Variants in CCR2 observed in about 807,000 individuals in gnomAD.
CCR2 encodes C-C chemokine receptor type 2.
For synonymous variants in CCR2, 183 were observed against 177.1 expected, an observed-to-expected ratio of 1.03 and a Z score of -0.27; for missense variants, 408 against 440.0, an observed-to-expected ratio of 0.93 and a Z score of 0.65.
chr3:46,359,650 C>A lies in CCR2; in HGVS notation c.*1040C>A. The A allele has an allele frequency of 6.3e-7, 1 of 1,596,406 alleles. No individual in the cohort carries two copies. Among genetic ancestry groups the A allele is most frequent in the South Asian group, 1.1e-5 (1 of 88,236 alleles). On this transcript the variant is annotated 3_prime_UTR_variant, in exon 2 of 2. Transcript: ENST00000445132. Reference sequence around the variant, plus strand: ...GCTTGCTTTTCCCTGCCTTGCCACTCCCCTCACTCTTCTCTTTTCCCCACA... The same window carrying A: ...GCTTGCTTTTCCCTGCCTTGCCACTACCCTCACTCTTCTCTTTTCCCCACA...
Position 46,358,002 on chromosome 3 carries a change from G to A in CCR2, c.475G>A (p.Val159Met), listed in dbSNP as rs532078003. 16 of 1,614,098 alleles carry A rather than the reference G, an allele frequency of 9.9e-6. No individual in the cohort carries two copies. Among genetic ancestry groups the A allele is most frequent in the East Asian group, 2.2e-5 (1 of 44,902 alleles). The change falls in exon 2 of 2, where the codon GTG becomes ATG. Residue 159 changes from valine (V) to methionine (M), a missense_variant. Coordinates refer to ENST00000445132, the MANE Select transcript of CCR2 (RefSeq NM_001123396.4). ...AGCCAGGACGGTCACCTTTGGGGTG[G>A]TGACAAGTGTGATCACCTGGTTGGT... The part of the protein sequence containing the change: ...LKARTVTFGV[V>M]TSVITWLVAV...
Position 46,359,515 on chromosome 3 carries a change from G to A in CCR2, c.*905G>A, listed in dbSNP as rs1575274273. ...ACCAGGAGCAAAGGACGGGGATCGTGTGGAACCACTGCAGAACTATTTCCG... is the reference window on the plus strand; with the variant it reads ...ACCAGGAGCAAAGGACGGGGATCGTATGGAACCACTGCAGAACTATTTCCG... On this transcript the variant is annotated 3_prime_UTR_variant, in exon 2 of 2. Transcript: ENST00000445132. 7.1e-6 allele frequency: 7 copies of A among 983,870 alleles called. No individual in the cohort carries two copies. The East Asian group carries it at 1.1e-4, about 15-fold the overall frequency. The allele number at this position is 983,870 out of a possible 1,614,324, so 60.9% of individuals were successfully genotyped here. A position where few individuals can be genotyped will look rare whatever the true frequency, so the allele number is the denominator to read the frequency against.
In CCR2 at chr3:46,359,205, C is replaced by T. The variant is rs1199058644; in HGVS notation, c.*595C>T. On this transcript the variant is annotated 3_prime_UTR_variant, in exon 2 of 2. Coordinates refer to ENST00000445132, the MANE Select transcript of CCR2 (RefSeq NM_001123396.4). ...ATAACCTGGGAGTTTTGGTGGAGTC[C>T]GATGATTCTCTTTTGCATAAGTGCA... is the stretch of plus-strand genomic sequence containing the variant. 7 of 1,004,048 alleles carry T rather than the reference C, an allele frequency of 7.0e-6. No homozygotes were observed. The highest frequency in any genetic ancestry group is 5.2e-4 in the Middle Eastern group (1 of 1,920). 62.2% of individuals were successfully genotyped at this position (1,004,048 alleles called of 1,614,324 possible).
intron 1 of CCR2, among the ~76,000 whole-genome samples, chr3:46,354,634 A>G (rs1328114093): frequency 6.6e-6 from 1 of 152,232 alleles, no homozygotes; most frequent in Admixed American, 6.5e-5. Context: ...TCTGGGTGAC[A>G]TGTTCTGACA....
intron 1 of CCR2, among the ~76,000 whole-genome samples, chr3:46,356,899 C>G (rs898716571): frequency 7.0e-6 from 1 of 143,160 alleles, no homozygotes; most frequent in Non-Finnish European, 1.5e-5. Flanking sequence ...AGCCTGGAGA[C>G]ACAGCGAGAC....
chr3:46,356,032 G>A (rs962763673), intron 1 of CCR2, among the ~76,000 whole-genome samples: 1 of 152,200 alleles, frequency 6.6e-6, no homozygotes, highest in South Asian at 2.1e-4. Context: ...CCCCATTTGG[G>A]GTGGGTTGAA....
chr3:46,354,369 C>G (rs1383785598), intron 1 of CCR2, among the ~76,000 whole-genome samples, 192 bp downstream of exon 1: 1 of 152,142 alleles, frequency 6.6e-6, no homozygotes, highest in African/African-American at 2.4e-5. Context: ...TGAGGAAGAG[C>G]AGCGTGCAGC....
intron 1 of CCR2, among the ~76,000 whole-genome samples, chr3:46,355,307 A>G (rs1366532182): frequency 6.6e-6 from 1 of 152,158 alleles, no homozygotes; most frequent in Non-Finnish European, 1.5e-5. Flanking sequence ...AAGCTCACCA[A>G]TCATTTTGGG....
intron 1 of CCR2, among the ~76,000 whole-genome samples, chr3:46,356,232 T>G (rs925058927): frequency 6.6e-6 from 1 of 152,168 alleles, no homozygotes; most frequent in Non-Finnish European, 1.5e-5. Flanking sequence ...TAGAAAACAG[T>G]AGCATAGAAG....
Position 46,360,537 on chromosome 3 carries a change from A to G in CCR2, c.*1927A>G, listed in dbSNP as rs181559228. The G allele has an allele frequency of 6.6e-6, 1 of 152,362 alleles. No homozygotes were observed. The highest frequency in any genetic ancestry group is 1.9e-4 in the East Asian group (1 of 5,192). 9.4% of individuals were successfully genotyped at this position (152,362 alleles called of 1,614,324 possible). ...GAACTCCTAAATCAAGTTGGCTTCT[A>G]ATCAAAGCTTTTAAACCCTATTGGT... On this transcript the variant is annotated 3_prime_UTR_variant, in exon 2 of 2. Coordinates refer to ENST00000445132, the MANE Select transcript of CCR2 (RefSeq NM_001123396.4).
At chr3:46,356,142 T>C (rs1701447799) in intron 1 of CCR2, among the ~76,000 whole-genome samples, 1 of 152,220 alleles carries the variant, frequency 6.6e-6, no homozygotes, top group Admixed American at 6.5e-5. Context: ...AGTGAATACA[T>C]GCATGGGGAG....
At position 46,358,597 on chromosome 3, in the gene CCR2, C is replaced by T. The variant is rs191797612; in HGVS notation, c.1070C>T (p.Ser357Leu). Residue 357 changes from serine (S) to leucine (L), a missense_variant, in exon 2 of 2, where the codon TCG (serine) becomes TTG (leucine). Ser to Leu is a moderately radical substitution (Grantham distance 145). Transcript: ENST00000445132. ...CCTTCCACTGGGGAGCAGGAAGTCT[C>T]GGCTGGTTTATAAAACGAGGAGCAG... ...NTPSTGEQEV[S>L]AGL 163 of 1,579,854 alleles carry T rather than the reference C, an allele frequency of 1.0e-4. 1 individual carries two copies. The highest frequency in any genetic ancestry group is 8.0e-4 in the Admixed American group (43 of 53,792).
At position 46,358,255 on chromosome 3, in the gene CCR2, G is replaced by C. The variant is rs1296559902; in HGVS notation, c.728G>C (p.Arg243Thr). 6.2e-7 allele frequency: 1 copy of C among 1,614,090 alleles called. No homozygotes were observed. The highest frequency in any genetic ancestry group is 8.5e-7 in the Non-Finnish European group (1 of 1,180,028). ...GAGAAGAAGAGGCATAGGGCAGTGAGAGTCATCTTCACCATCATGATTGTT... is the reference window on the plus strand; with the variant it reads ...GAGAAGAAGAGGCATAGGGCAGTGACAGTCATCTTCACCATCATGATTGTT... ...RNEKKRHRAVRVIFTIMIVYF... is the reference protein window; with the variant it reads ...RNEKKRHRAVTVIFTIMIVYF... The change falls in exon 2 of 2, where the codon AGA becomes ACA. Residue 243 changes from arginine (R) to threonine (T), a missense_variant. By Grantham distance (71) the Arg-to-Thr change is moderately conservative. Transcript: ENST00000445132.
intron 1 of CCR2, among the ~76,000 whole-genome samples, chr3:46,355,579 A>G (rs964643335): frequency 6.6e-6 from 1 of 152,164 alleles, no homozygotes; most frequent in Non-Finnish European, 1.5e-5. Context: ...TTAAGAGAAG[A>G]TAGGTTGAGA....
At chr3:46,354,952 T>C (rs911379300) in intron 1 of CCR2, 1 of 152,178 alleles carries the variant, frequency 6.6e-6, no homozygotes, top group Non-Finnish European at 1.5e-5. Flanking sequence ...GGATAAAGTA[T>C]ACAGGTGGGT....
intron 1 of CCR2, 63 bp from the exon 2 acceptor site, chr3:46,357,414 T>C: frequency 8.5e-7 from 1 of 1,173,308 alleles, no homozygotes; most frequent in Non-Finnish European, 1.2e-6. Flanking sequence ...TGCCAGACTA[T>C]TTGGAAGATC....
chr3:46,357,593 CT>C lies in CCR2; in HGVS notation c.72del (p.Phe24LeufsTer14), dbSNP rs1335660200. On this transcript the variant is annotated frameshift_variant, in exon 2 of 2. Coordinates refer to ENST00000445132, the MANE Select transcript of CCR2 (RefSeq NM_001123396.4). LOFTEE classifies it low-confidence loss of function (END_TRUNC). ...TNESGEEVTTFFDYDYGAPCH... is the reference protein window; with the variant it reads ...TNESGEEVTTXFDYDYGAPCH... The stretch of plus-strand genomic sequence containing the variant: ...ACGAGAGCGGTGAAGAAGTCACCAC[CT>C]TTTTTGATTATGATTACGGTGCTCC... 8.1e-6 allele frequency: 13 copies of C among 1,613,924 alleles called. No homozygotes were observed. Among genetic ancestry groups the C allele is most frequent in the Non-Finnish European group, 1.1e-5 (13 of 1,180,012 alleles).
In CCR2 at chr3:46,358,307, T is replaced by C. The variant is rs1799865; in HGVS notation, c.780T>C (p.Asn260=). ...IVYFLFWTPY[N]IVILLNTFQE... is the part of the protein sequence containing the mutation. ...ACTTTCTCTTCTGGACTCCCTATAA[T>C]ATTGTCATTCTCCTGAACACCTTCC... The change falls in exon 2 of 2, where the codon AAT becomes AAC. Residue 260 remains asparagine, a synonymous_variant. Transcript: ENST00000445132. 0.31 allele frequency: 507,872 copies of C among 1,613,876 alleles called. 80,922 individuals carry two copies. Among genetic ancestry groups the C allele is most frequent in the Middle Eastern group, 0.39 (2,354 of 6,062 alleles).
chr3:46,355,058 T>G (rs1005412540), intron 1 of CCR2: 2 of 152,242 alleles, frequency 1.3e-5, no homozygotes, highest in Non-Finnish European at 2.9e-5. Context: ...AAGAGTTTTA[T>G]GTACTCATTC....
Sources: allele counts gnomAD v4.1 joint callset (sites outside exome capture counted in the v4.1 genomes callset), GRCh38; gene constraint gnomAD v4.1.1; transcripts MANE v1.5; gene names NCBI Gene and HGNC (gene_info 2026-07-23, HGNC 2026-07-21).